Variants in RARB observed in about 807,000 individuals in gnomAD.
The protein encoded by RARB is retinoic acid receptor beta.
Under a neutral mutation model 51.9 loss-of-function variants are expected in RARB, and 17 were observed. The ratio of observed to expected loss-of-function variants is 0.33; its 90% CI spans 0.22 to 0.49. The LOEUF is 0.49. Ranked by LOEUF, RARB falls within the 20% of genes least tolerant of loss-of-function variation. The probability of loss-of-function intolerance (pLI) is 0.99; values close to 1 mark genes in which losing one functional copy is unlikely to be tolerated. For synonymous variants in RARB, 215 were observed against 195.4 expected (o/e 1.10, Z -0.84); for missense variants, 369 against 550.8 (o/e 0.67, Z 3.30).
Position 25,077,655 on chromosome 3 carries a change from A to T in RARB, c.-328+17479A>T, listed in dbSNP as rs117727389. Among the ~76,000 whole-genome samples the T allele has an allele frequency of 5.6e-3, 859 of 152,188 alleles. 17 individuals carry two copies. The East Asian group carries it at 0.062, about 11-fold the overall frequency. On this transcript the variant is annotated intron_variant, in intron 3 of 11. Coordinates refer to the RARB transcript ENST00000383772. ...AACTGCTATGAAGATTTTTATACAA[A>T]ATTTTGTAGATACATACTTTCATTT...
intron 2 of RARB, among the ~76,000 whole-genome samples, chr3:24,972,773 G>A (rs553994811): frequency 1.8e-4 from 28 of 151,966 alleles, no homozygotes; most frequent in African/African-American, 6.7e-4. Context: ...TATACCCCGT[G>A]GCCATTTGTA....
chr3:25,585,836 C>G (rs949898809), intron 5 of RARB, among the ~76,000 whole-genome samples: 4 of 152,162 alleles, frequency 2.6e-5, no homozygotes, highest in African/African-American at 9.7e-5. Context: ...GTGACTTTCC[C>G]CAGGTCGCGC....
At chr3:24,888,913 C>CT (rs1215767503) in intron 2 of RARB, among the ~76,000 whole-genome samples, 1 of 152,188 alleles carries the variant, frequency 6.6e-6, no homozygotes, top group African/African-American at 2.4e-5. Flanking sequence ...GTTCACTTTA[C>CT]TTTATAACTG....
At chr3:25,171,071 G>C (rs1325387872) in intron 4 of RARB, among the ~76,000 whole-genome samples, 6 of 151,390 alleles carry the variant, frequency 4.0e-5, no homozygotes, top group Non-Finnish European at 7.4e-5. Flanking sequence ...AATGCAGTTT[G>C]AGAAACTTGA....
chr3:25,559,165 C>T (rs1244358388), intron 3 of RARB, among the ~76,000 whole-genome samples: 12 of 152,130 alleles, frequency 7.9e-5, no homozygotes, highest in African/African-American at 1.7e-4. Flanking sequence ...CAGGCCTTTG[C>T]GCACATTGGT....
intron 2 of RARB, among the ~76,000 whole-genome samples, chr3:24,953,229 C>A (rs190252730): frequency 6.6e-6 from 1 of 152,080 alleles, no homozygotes. Context: ...AATTCACTCC[C>A]TAGAACATTT....
At chr3:25,399,115 A>G (rs1707197193) in intron 5 of RARB, among the ~76,000 whole-genome samples, 1 of 152,096 alleles carries the variant, frequency 6.6e-6, no homozygotes, top group Admixed American at 6.5e-5. Flanking sequence ...AGATACATAG[A>G]CCTGATCCAG....
chr3:25,498,579 C>T (rs1697150055), intron 2 of RARB, among the ~76,000 whole-genome samples: 1 of 152,210 alleles, frequency 6.6e-6, no homozygotes, highest in South Asian at 2.1e-4. Flanking sequence ...TACTGAATCA[C>T]ACTGACTGGG....
chr3:25,353,939 A>C lies in RARB; in HGVS notation c.179-107254A>C, dbSNP rs115749136. Among the ~76,000 whole-genome samples the C allele has an allele frequency of 5.1e-3, 770 of 152,226 alleles. 8 individuals carry two copies. Among genetic ancestry groups the C allele is most frequent in the African/African-American group, 0.018 (735 of 41,546 alleles). ...TTGCAAATCTCATAATATAAAGTGC[A>C]GTATATTATGACTATATGTTCATGC... On this transcript the variant is annotated intron_variant, in intron 5 of 11. Coordinates refer to the RARB transcript ENST00000383772.
intron 2 of RARB, among the ~76,000 whole-genome samples, chr3:24,954,077 C>T (rs1229588854): frequency 1.3e-5 from 2 of 152,080 alleles, no homozygotes; most frequent in Non-Finnish European, 2.9e-5. Flanking sequence ...TTCTTTTTCC[C>T]ATATGTGTCT....
intron 3 of RARB, among the ~76,000 whole-genome samples, chr3:25,565,164 CA>C (rs1442920975): frequency 6.6e-6 from 1 of 152,186 alleles, no homozygotes; most frequent in Non-Finnish European, 1.5e-5. Context: ...GACTCAGACG[CA>C]GCGGAGCACA....
intron 2 of RARB, among the ~76,000 whole-genome samples, chr3:25,054,406 G>C (rs1450613817): frequency 6.6e-6 from 1 of 152,146 alleles, no homozygotes. Flanking sequence ...GAGATACAGA[G>C]AAGTCCTGAG....
chr3:25,522,664 G>T (rs1420141544), intron 3 of RARB, among the ~76,000 whole-genome samples: 6 of 152,114 alleles, frequency 3.9e-5, no homozygotes, highest in African/African-American at 1.4e-4. Context: ...GAGAACACTG[G>T]AAAGGCTTGG....
intron 3 of RARB, among the ~76,000 whole-genome samples, chr3:25,532,501 C>T (rs1246105987): frequency 6.6e-6 from 1 of 152,186 alleles, no homozygotes; most frequent in Non-Finnish European, 1.5e-5. Context: ...TTCCCCAAAG[C>T]AAAAGACGGA....
intron 2 of RARB, among the ~76,000 whole-genome samples, chr3:24,982,489 T>G (rs1330635395): frequency 6.6e-6 from 1 of 152,096 alleles, no homozygotes; most frequent in Non-Finnish European, 1.5e-5. Context: ...CTTCTCCAAG[T>G]GGAGTAGAAT....
chr3:25,388,373 G>T (rs1360155575), intron 5 of RARB, among the ~76,000 whole-genome samples: 1 of 152,148 alleles, frequency 6.6e-6, no homozygotes, highest in Non-Finnish European at 1.5e-5. Context: ...AGTCATAGTA[G>T]AGATTGATGT....
chr3:25,217,114 T>C (rs1701851872), intron 5 of RARB, among the ~76,000 whole-genome samples: 3 of 152,192 alleles, frequency 2.0e-5, no homozygotes, highest in African/African-American at 7.2e-5. Flanking sequence ...GAGGAAGCGG[T>C]GATATTGCAA....
At chr3:25,268,004 A>G (rs1324748580) in intron 5 of RARB, among the ~76,000 whole-genome samples, 1 of 152,206 alleles carries the variant, frequency 6.6e-6, no homozygotes, top group Non-Finnish European at 1.5e-5. Flanking sequence ...AGAGTTATAT[A>G]TTTCTTAAGT....
chr3:25,512,775 A>G (rs1697959513), intron 3 of RARB, among the ~76,000 whole-genome samples: 3 of 152,242 alleles, frequency 2.0e-5, no homozygotes, highest in Admixed American at 1.3e-4. Flanking sequence ...TGGCACCTCT[A>G]TTGAGATGAC....
Sources: allele counts gnomAD v4.1 joint callset (sites outside exome capture counted in the v4.1 genomes callset), GRCh38; gene constraint gnomAD v4.1.1; transcripts MANE v1.5; gene names NCBI Gene and HGNC (gene_info 2026-07-23, HGNC 2026-07-21).